The following TAF3 variants were observed in gnomAD, a reference collection of about 807,000 sequenced individuals.
TAF3 encodes TATA-box binding protein associated factor 3.
A neutral mutation model predicts 80.6 loss-of-function variants in TAF3; 7 were observed. The observed-to-expected ratio is 0.09, with a 90% CI of 0.05 to 0.16. TAF3 has a LOEUF of 0.16. Among genes scored for constraint, TAF3 ranks in the 10% least tolerant of loss-of-function variants. TAF3 has a pLI of 1.00. For synonymous variants in TAF3, 444 were observed against 446.1 expected, an observed-to-expected ratio of 1.00 and a Z score of 0.06; for missense variants, 921 against 1,140.2, an observed-to-expected ratio of 0.81 and a Z score of 2.77.
Position 8,014,900 on chromosome 10 carries a change from G to A in TAF3, c.*149G>A, listed in dbSNP as rs775843927. 3.5e-5 allele frequency: 23 copies of A among 655,950 alleles called. No homozygotes were observed. Among genetic ancestry groups the A allele is most frequent in the East Asian group, 6.0e-5 (2 of 33,116 alleles). The allele number at this position is 655,950 out of a possible 1,614,324, so 40.6% of individuals were successfully genotyped here. On this transcript the variant is annotated 3_prime_UTR_variant, in exon 7 of 7. Transcript: ENST00000344293. ...GAGGACTGAGGCTGGAACACACCGC[G>A]CACCTGGATTGTTCACTCCCGAGCC...
rs1189504520 is a variant in TAF3 at position 8,007,574 on chromosome 10, A to T, written c.2316-1504A>T. Among the ~76,000 whole-genome samples the T allele has an allele frequency of 4.4e-5, 2 of 45,804 alleles. 1 individual carries two copies. Among genetic ancestry groups the T allele is most frequent in the South Asian group, 1.1e-3 (2 of 1,798 alleles). 30.0% of individuals were successfully genotyped at this position (45,804 alleles called of 152,430 possible). The stretch of plus-strand genomic sequence containing the variant: ...TCTGTGTGTGAAATTATATATATAT[A>T]TATATATATATATATATATATATAT... On this transcript the variant is annotated intron_variant, in intron 4 of 6. Coordinates refer to ENST00000344293, the MANE Select transcript of TAF3 (RefSeq NM_031923.4).
At chr10:7,845,771 G>A (rs749660017) in intron 2 of TAF3, among the ~76,000 whole-genome samples, 13 of 152,098 alleles carry the variant, frequency 8.5e-5, no homozygotes, top group Non-Finnish European at 1.2e-4. Flanking sequence ...TTAGTATTGA[G>A]CATCTTAGTC....
At chr10:7,884,481 G>A (rs979348566) in intron 2 of TAF3, among the ~76,000 whole-genome samples, 1 of 147,084 alleles carries the variant, frequency 6.8e-6, no homozygotes, top group Non-Finnish European at 1.5e-5. Flanking sequence ...CTGCCTCCTG[G>A]GTTCAGGCGA....
chr10:8,001,711 C>A (rs1021553186), intron 4 of TAF3, among the ~76,000 whole-genome samples: 1 of 152,022 alleles, frequency 6.6e-6, no homozygotes, highest in African/African-American at 2.4e-5. Flanking sequence ...GTTTTGTTTT[C>A]TTTTACCTAA....
intron 4 of TAF3, among the ~76,000 whole-genome samples, chr10:7,997,893 T>G (rs1309567913): frequency 1.3e-5 from 2 of 152,172 alleles, no homozygotes; most frequent in African/African-American, 2.4e-5. Context: ...CAAAATTATT[T>G]TTACAACGAT....
chr10:8,001,676 A>T (rs1242668214), intron 4 of TAF3, among the ~76,000 whole-genome samples: 1 of 151,988 alleles, frequency 6.6e-6, no homozygotes, highest in African/African-American at 2.4e-5. Flanking sequence ...ATCTATATTT[A>T]CTTACTTTTC....
At chr10:8,004,781 C>G (rs528598860) in intron 4 of TAF3, among the ~76,000 whole-genome samples, 1 of 152,124 alleles carries the variant, frequency 6.6e-6, no homozygotes, top group East Asian at 1.9e-4. Flanking sequence ...ATTTATCTTG[C>G]CTAGGGTGTG....
At chr10:8,002,502 C>T (rs1831953902) in intron 4 of TAF3, among the ~76,000 whole-genome samples, 1 of 152,114 alleles carries the variant, frequency 6.6e-6, no homozygotes, top group Non-Finnish European at 1.5e-5. Context: ...AAGCTGAGGA[C>T]ATAGAAATTA....
At chr10:7,932,484 G>A (rs1837877019) in intron 2 of TAF3, among the ~76,000 whole-genome samples, 1 of 152,120 alleles carries the variant, frequency 6.6e-6, no homozygotes, top group Admixed American at 6.5e-5. Flanking sequence ...TGTGAGAGAG[G>A]GAGGAGAGAG....
At chr10:7,886,129 A>C (rs11255424) in intron 2 of TAF3, among the ~76,000 whole-genome samples, 4 of 151,684 alleles carry the variant, frequency 2.6e-5, no homozygotes, top group Non-Finnish European at 4.4e-5. Context: ...GGGTCTCACT[A>C]TGTTGCCTGG....
intron 2 of TAF3, among the ~76,000 whole-genome samples, chr10:7,950,292 G>A (rs750959300): frequency 2.6e-5 from 4 of 152,196 alleles, no homozygotes; most frequent in African/African-American, 4.8e-5. Context: ...ACGACCCAGG[G>A]AAGAGTGTTC....
At chr10:7,980,478 G>A (rs1831716307) in intron 4 of TAF3, among the ~76,000 whole-genome samples, 1 of 152,140 alleles carries the variant, frequency 6.6e-6, no homozygotes, top group African/African-American at 2.4e-5. Context: ...AGTCAATGGT[G>A]AGTCCAGGAC....
intron 2 of TAF3, among the ~76,000 whole-genome samples, chr10:7,831,531 A>G (rs1220419498): frequency 6.6e-6 from 1 of 152,040 alleles, no homozygotes; most frequent in Non-Finnish European, 1.5e-5. Context: ...TTTTTAGTAG[A>G]GGCGAGGTTT....
intron 4 of TAF3, among the ~76,000 whole-genome samples, chr10:8,003,762 T>C (rs2131437145): frequency 6.6e-6 from 1 of 152,318 alleles, no homozygotes; most frequent in East Asian, 1.9e-4. Context: ...ATTGCCAGTC[T>C]TGGCCAGGCA....
Position 7,853,322 on chromosome 10 carries a change from A to G in TAF3, c.409+28762A>G, listed in dbSNP as rs140849591. Among the ~76,000 whole-genome samples, 627 of 152,306 alleles carry G rather than the reference A, an allele frequency of 4.1e-3. 6 individuals are homozygous for G. Among genetic ancestry groups the G allele is most frequent in the African/African-American group, 0.014 (596 of 41,550 alleles). On this transcript the variant is annotated intron_variant, in intron 2 of 6. Transcript: ENST00000344293. ...GCCTCTGAACACCTCCCAACTCCACATGTGGGGGCATTACATTGGCGGCTT... is the reference window on the plus strand; with the variant it reads ...GCCTCTGAACACCTCCCAACTCCACGTGTGGGGGCATTACATTGGCGGCTT...
chr10:7,827,238 G>C (rs1836751189), intron 2 of TAF3, among the ~76,000 whole-genome samples: 1 of 152,178 alleles, frequency 6.6e-6, no homozygotes, highest in South Asian at 2.1e-4. Flanking sequence ...GTCTTCCCAA[G>C]TCACTTTACC....
rs1188050902 is a variant in TAF3 at position 8,015,869 on chromosome 10, C to A, written c.*1118C>A. 1.1e-4 allele frequency: 16 copies of A among 147,482 alleles called. No homozygotes were observed. Among genetic ancestry groups the A allele is most frequent in the South Asian group, 2.1e-4 (1 of 4,666 alleles). The allele number at this position is 147,482 out of a possible 1,614,324, so 9.1% of individuals were successfully genotyped here. A position where few individuals can be genotyped will look rare whatever the true frequency, so the allele number is the denominator to read the frequency against. On this transcript the variant is annotated 3_prime_UTR_variant, in exon 7 of 7. Transcript: ENST00000344293. ...TTTCCATGAAAGTAAAAAAAAAAAA[C>A]AACAAAAAACCCACATATACTGTAG...
chr10:8,000,121 G>C (rs1191266059), intron 4 of TAF3, among the ~76,000 whole-genome samples: 1 of 151,960 alleles, frequency 6.6e-6, no homozygotes, highest in Non-Finnish European at 1.5e-5. Flanking sequence ...CATCTTTTTC[G>C]TTGTTTTGCT....
chr10:7,891,966 A>G (rs1048469230), intron 2 of TAF3, among the ~76,000 whole-genome samples: 2 of 152,260 alleles, frequency 1.3e-5, no homozygotes, highest in Admixed American at 6.5e-5. Flanking sequence ...TATAAATTGT[A>G]ACAGTGAATG....
Sources: gnomAD v4.1 joint callset for allele counts (sites outside exome capture counted in the v4.1 genomes callset) on GRCh38, gnomAD v4.1.1 for gene constraint, MANE v1.5 for transcripts, NCBI Gene and HGNC (gene_info 2026-07-23, HGNC 2026-07-21) for gene names.